HOXA13: variants seen among roughly 807,000 people sequenced by gnomAD.
HOXA13 encodes homeobox A13.
HOXA13 carries 5 observed loss-of-function variants against 25.7 expected under a neutral mutation model. The observed-to-expected ratio is 0.19, with a 90% CI of 0.10 to 0.41. The LOEUF is 0.41. HOXA13 is among the 10% of genes least tolerant of loss of function. The pLI is 1.00. For synonymous variants in HOXA13, 284 were observed against 241.1 expected, an observed-to-expected ratio of 1.18 and a Z score of -1.65; for missense variants, 557 against 533.5, an observed-to-expected ratio of 1.04 and a Z score of -0.43.
At chr7:27,198,607 G>A in intron 1 of HOXA13, 165 bp from the exon 2 acceptor site, 1 of 786,518 alleles carries the variant, frequency 1.3e-6, no homozygotes, top group Non-Finnish European at 2.1e-6. Context: ...GGGGAAGGTA[G>A]TTAGTTCTGA....
chr7:27,196,700 T>G lies in HOXA13; in HGVS notation c.*1498A>C, dbSNP rs757622765. 1.3e-5 allele frequency: 2 copies of G among 154,620 alleles called. No individual in the cohort carries two copies. Among genetic ancestry groups the G allele is most frequent in the Non-Finnish European group, 2.9e-5 (2 of 69,340 alleles). 9.6% of individuals were successfully genotyped at this position (154,620 alleles called of 1,614,324 possible). ...TTTAATCTCCTTGAAGCACTTATCA[T>G]TTTTTAGGATTTTAGTTATGAGGGA... On this transcript the variant is annotated 3_prime_UTR_variant, in exon 2 of 2. Coordinates refer to ENST00000649031, the MANE Select transcript of HOXA13 (RefSeq NM_000522.5).
chr7:27,197,242 A>T lies in HOXA13; in HGVS notation c.*956T>A. 4.8e-6 allele frequency: 1 copy of T among 206,732 alleles called. No individual in the cohort carries two copies. 12.8% of individuals were successfully genotyped at this position (206,732 alleles called of 1,614,324 possible). A position where few individuals can be genotyped will look rare whatever the true frequency, so the allele number is the denominator to read the frequency against. On this transcript the variant is annotated 3_prime_UTR_variant, in exon 2 of 2. Transcript: ENST00000649031. ...ATTTTCATTCTGAGTTTTCTAAAAAAGAAAAAAGAAAAATGATTTCTCCAG... is the reference window on the plus strand; with the variant it reads ...ATTTTCATTCTGAGTTTTCTAAAAATGAAAAAAGAAAAATGATTTCTCCAG...
intron 1 of HOXA13, 57 bp downstream of exon 1, chr7:27,199,096 AGCG>A: frequency 6.6e-7 from 1 of 1,525,116 alleles, no homozygotes; most frequent in South Asian, 1.2e-5. Context: ...CCCGGGTGCG[AGCG>A]GAGAAGAAGC....
rs992579899 is a variant in HOXA13 at position 27,197,005 on chromosome 7, C to A, written c.*1193G>T. ...TGCACAAATACATTTTCACAGTGTG[C>A]TGAATGTCTTTATTTACAAGATATC... On this transcript the variant is annotated 3_prime_UTR_variant, in exon 2 of 2. Coordinates refer to ENST00000649031, the MANE Select transcript of HOXA13 (RefSeq NM_000522.5). 2 of 195,272 alleles carry A rather than the reference C, an allele frequency of 1.0e-5. No homozygotes were observed. Among genetic ancestry groups the A allele is most frequent in the Middle Eastern group, 1.7e-3 (1 of 578 alleles). The allele number at this position is 195,272 out of a possible 1,614,324, so 12.1% of individuals were successfully genotyped here.
chr7:27,196,017 A>G lies in HOXA13; in HGVS notation c.*2181T>C, dbSNP rs938438319. 1.3e-5 allele frequency: 2 copies of G among 152,248 alleles called. No homozygotes were observed. Among genetic ancestry groups the G allele is most frequent in the Non-Finnish European group, 2.9e-5 (2 of 68,042 alleles). The allele number at this position is 152,248 out of a possible 1,614,324, so 9.4% of individuals were successfully genotyped here. Reference sequence around the variant, plus strand: ...GCAGAGCAAGCCACTGTGAAGACAAATCAAATTTGGCCATTAGAGAAAAGG... The same window carrying G: ...GCAGAGCAAGCCACTGTGAAGACAAGTCAAATTTGGCCATTAGAGAAAAGG... On this transcript the variant is annotated 3_prime_UTR_variant, in exon 2 of 2. Transcript: ENST00000649031.
At chr7:27,199,074 C>T in intron 1 of HOXA13, 82 bp downstream of exon 1, 1 of 1,395,158 alleles carries the variant, frequency 7.2e-7, no homozygotes, top group Non-Finnish European at 9.7e-7. Context: ...AACAGAAACG[C>T]ACCCGGGATC....
rs1352000575 is a variant in HOXA13, at chr7:27,195,065, T to A, written c.*3133A>T. The stretch of plus-strand genomic sequence containing the variant: ...ATGGAGTACTGTTTGGAACAAGAGG[T>A]GGAGAGGTGGGTCTGAAGCAACATT... On this transcript the variant is annotated 3_prime_UTR_variant, in exon 2 of 2. Coordinates refer to ENST00000649031, the MANE Select transcript of HOXA13 (RefSeq NM_000522.5). 1 of 152,138 alleles carries A rather than the reference T, an allele frequency of 6.6e-6. No homozygotes were observed. The highest frequency in any genetic ancestry group is 2.4e-5 in the African/African-American group (1 of 41,430). 9.4% of individuals were successfully genotyped at this position (152,138 alleles called of 1,614,324 possible).
chr7:27,199,456 C>T lies in HOXA13; in HGVS notation c.622G>A (p.Asp208Asn). The change falls in exon 1 of 2, where the codon GAC (aspartate) becomes AAC (asparagine). Residue 208 changes from aspartate (D) to asparagine (N), a missense_variant. Coordinates refer to ENST00000649031, the MANE Select transcript of HOXA13 (RefSeq NM_000522.5). ...GGGCCGGCGGTATCCATGTACTTGT[C>T]CGCGAAGGCGGCGGCGGCGGCGGCC... is the stretch of plus-strand genomic sequence containing the variant. Reference protein sequence around the residue: ...ASAAAAAAFADKYMDTAGPAA... With the variant: ...ASAAAAAAFANKYMDTAGPAA... 1 of 1,613,184 alleles carries T rather than the reference C, an allele frequency of 6.2e-7. No individual in the cohort carries two copies. The highest frequency in any genetic ancestry group is 8.5e-7 in the Non-Finnish European group (1 of 1,179,818).
In HOXA13 at chr7:27,199,931, C is replaced by CGCCGCCGCTGCA; in HGVS notation, c.135_146dup (p.Ala48_Ala51dup). ...AGCCCCCGCCCCCGGCCCCGGCAGC[C>CGCCGCCGCTGCA]GCCGCCGCTGCAGCCGCTGCTGCAG... On this transcript the variant is annotated inframe_insertion, in exon 1 of 2. Coordinates refer to ENST00000649031, the MANE Select transcript of HOXA13 (RefSeq NM_000522.5). 8.0e-7 allele frequency: 1 copy of CGCCGCCGCTGCA among 1,249,404 alleles called. No homozygotes were observed. The highest frequency in any genetic ancestry group is 4.0e-5 in the East Asian group (1 of 25,220). 77.4% of individuals were successfully genotyped at this position (1,249,404 alleles called of 1,614,324 possible). A position where few individuals can be genotyped will look rare whatever the true frequency, so the allele number is the denominator to read the frequency against.
At position 27,199,191 on chromosome 7, in the gene HOXA13, G is replaced by A. The variant is rs758136181; in HGVS notation, c.887C>T (p.Ala296Val). 4 of 1,612,682 alleles carry A rather than the reference G, an allele frequency of 2.5e-6. No homozygotes were observed. The highest frequency in any genetic ancestry group is 3.4e-6 in the Non-Finnish European group (4 of 1,179,476). ...GGACTTCCAGAGGTGGGGAGGCTGC[G>A]CCTGCTCTTTGGGGCAGTACATTTG... The part of the protein sequence containing the change: ...NGQMYCPKEQ[A>V]QPPHLWKSTL... Residue 296 changes from alanine (A) to valine (V), a missense_variant, in exon 1 of 2, where the codon GCG (alanine) becomes GTG (valine). Ala to Val is a moderately conservative substitution (Grantham distance 64). Transcript: ENST00000649031.
rs537218194 is a variant in HOXA13, at chr7:27,199,598, C to T, written c.480G>A (p.Ala160=). 1,387 of 1,494,274 alleles carry T rather than the reference C, an allele frequency of 9.3e-4. 17 individuals carry two copies. In the African/African-American group the frequency reaches 0.016, roughly 18 times the overall value. The allele number at this position is 1,494,274 out of a possible 1,614,324, so 92.6% of individuals were successfully genotyped here. Residue 160 remains alanine, a synonymous_variant, in exon 1 of 2, where the codon GCG becomes GCA. Transcript: ENST00000649031. ...GCGCCGCGGGCCCCGACGAGCTCTG[C>T]GCCGCTGCCGAGCAGGGGCTGCATT... ...AKQCSPCSAA[A]QSSSGPAALP...
At position 27,198,069 on chromosome 7, in the gene HOXA13, A is replaced by G; in HGVS notation, c.*129T>C. 1.9e-6 allele frequency: 2 copies of G among 1,051,882 alleles called. No individual in the cohort carries two copies. The highest frequency in any genetic ancestry group is 2.9e-6 in the Non-Finnish European group (2 of 695,428). 65.2% of individuals were successfully genotyped at this position (1,051,882 alleles called of 1,614,324 possible). On this transcript the variant is annotated 3_prime_UTR_variant, in exon 2 of 2. Coordinates refer to ENST00000649031, the MANE Select transcript of HOXA13 (RefSeq NM_000522.5). ...AAAGAGATCTCCTTCGGGAGAGGAA[A>G]ATGCCAGTCTCTGTCTCTTTCTCTT...
chr7:27,199,235 C>T lies in HOXA13; in HGVS notation c.843G>A (p.Leu281=). The T allele has an allele frequency of 6.2e-7, 1 of 1,613,736 alleles. No individual in the cohort carries two copies. The highest frequency in any genetic ancestry group is 1.1e-5 in the South Asian group (1 of 91,058). Residue 281 remains leucine (L), a synonymous_variant, in exon 1 of 2, where the codon CTG becomes CTA. Transcript: ENST00000649031. ...LPMESYQPWA[L]PNGWNGQMYC... is the part of the protein sequence containing the mutation. ...ACATTTGGCCGTTCCAGCCGTTGGG[C>T]AGCGCCCAGGGCTGGTAGCTTTCCA...
In HOXA13 at chr7:27,198,181, G is replaced by T. The variant is rs948181722; in HGVS notation, c.*17C>A. On this transcript the variant is annotated 3_prime_UTR_variant, in exon 2 of 2. Coordinates refer to ENST00000649031, the MANE Select transcript of HOXA13 (RefSeq NM_000522.5). ...AAGCGTTTCTTCAAGTTGCCTTCTT[G>T]CTCTATTTTTAATCCATTAACTAGT... 6.2e-7 allele frequency: 1 copy of T among 1,613,694 alleles called. No individual in the cohort carries two copies. The highest frequency in any genetic ancestry group is 1.3e-5 in the African/African-American group (1 of 74,880).
Position 27,196,776 on chromosome 7 carries a change from TAAAG to T in HOXA13, c.*1418_*1421del, listed in dbSNP as rs1191778829. 6.0e-6 allele frequency: 1 copy of T among 165,454 alleles called. No homozygotes were observed. The highest frequency in any genetic ancestry group is 1.3e-5 in the Non-Finnish European group (1 of 75,332). The allele number at this position is 165,454 out of a possible 1,614,324, so 10.2% of individuals were successfully genotyped here. On this transcript the variant is annotated 3_prime_UTR_variant, in exon 2 of 2. Transcript: ENST00000649031. ...TAGCAAAAGAAGTACTGAATAATAA[TAAAG>T]AATGGTCCTTGGTTTATATAAGATA...
rs922271344 is a variant in HOXA13 at position 27,197,475 on chromosome 7, G to A, written c.*723C>T. The A allele has an allele frequency of 4.7e-5, 10 of 210,608 alleles. No homozygotes were observed. The highest frequency in any genetic ancestry group is 1.6e-4 in the African/African-American group (7 of 44,094). The allele number at this position is 210,608 out of a possible 1,614,324, so 13.0% of individuals were successfully genotyped here. A position where few individuals can be genotyped will look rare whatever the true frequency, so the allele number is the denominator to read the frequency against. On this transcript the variant is annotated 3_prime_UTR_variant, in exon 2 of 2. Coordinates refer to ENST00000649031, the MANE Select transcript of HOXA13 (RefSeq NM_000522.5). ...TTGGAGCAGTAAATATAGTTCAAAT[G>A]CCACAAAATATGCTTGTTATAAGCA...
chr7:27,197,717 C>A lies in HOXA13; in HGVS notation c.*481G>T, dbSNP rs1784019699. The A allele has an allele frequency of 3.9e-6, 1 of 255,192 alleles. No homozygotes were observed. The highest frequency in any genetic ancestry group is 2.2e-5 in the African/African-American group (1 of 45,124). The allele number at this position is 255,192 out of a possible 1,614,324, so 15.8% of individuals were successfully genotyped here. On this transcript the variant is annotated 3_prime_UTR_variant, in exon 2 of 2. Transcript: ENST00000649031. ...ATAAAATGTTTTGCAGAACGTACAA[C>A]AACGGTAGGAATTTCACTAAGATTT...
At position 27,199,457 on chromosome 7, in the gene HOXA13, C is replaced by T. The variant is rs1784057912; in HGVS notation, c.621G>A (p.Ala207=). ...PASAAAAAAF[A]DKYMDTAGPA... ...GGCCGGCGGTATCCATGTACTTGTC[C>T]GCGAAGGCGGCGGCGGCGGCGGCCG... The change falls in exon 1 of 2, where the codon GCG becomes GCA. Residue 207 remains alanine (A), a synonymous_variant. Coordinates refer to ENST00000649031, the MANE Select transcript of HOXA13 (RefSeq NM_000522.5). The T allele has an allele frequency of 6.2e-7, 1 of 1,613,088 alleles. No individual in the cohort carries two copies. Among genetic ancestry groups the T allele is most frequent in the Non-Finnish European group, 8.5e-7 (1 of 1,179,778 alleles).
chr7:27,198,035 A>T lies in HOXA13; in HGVS notation c.*163T>A. On this transcript the variant is annotated 3_prime_UTR_variant, in exon 2 of 2. Transcript: ENST00000649031. ...AAGTTTTAAAACAGTTGTAGATTCC[A>T]TTAAAGAGAAAGAGATCTCCTTCGG... is the stretch of plus-strand genomic sequence containing the variant. 1 of 825,968 alleles carries T rather than the reference A, an allele frequency of 1.2e-6. No individual in the cohort carries two copies. The allele number at this position is 825,968 out of a possible 1,614,324, so 51.2% of individuals were successfully genotyped here. A position where few individuals can be genotyped will look rare whatever the true frequency, so the allele number is the denominator to read the frequency against.
Sources: gnomAD v4.1 joint callset for allele counts on GRCh38, gnomAD v4.1.1 for gene constraint, MANE v1.5 for transcripts, NCBI Gene and HGNC (gene_info 2026-07-23, HGNC 2026-07-21) for gene names.